The following EAPP variants were observed in gnomAD, a reference collection of about 807,000 sequenced individuals.
The protein encoded by EAPP is E2F-associated phosphoprotein.
In EAPP, 38 loss-of-function variants were observed where a neutral mutation model predicts 34.3. That is an observed-to-expected ratio of 1.11 (90% CI 0.85 to 1.45). The LOEUF (loss-of-function observed/expected upper bound fraction) is 1.45. Among genes scored for constraint, EAPP ranks in the 40% most tolerant of loss-of-function variants. EAPP has a pLI of 0.00. For synonymous variants in EAPP, 113 were observed against 117.6 expected, an observed-to-expected ratio of 0.96 and a Z score of 0.25; for missense variants, 338 against 343.7, an observed-to-expected ratio of 0.98 and a Z score of 0.13.
chr14:34,526,893 G>A (rs753435780), intron 4 of EAPP, among the ~76,000 whole-genome samples: 13 of 149,700 alleles, frequency 8.7e-5, no homozygotes, highest in Admixed American at 2.7e-4. Context: ...AAAAATGACC[G>A]GGTGCGGTGG....
intron 5 of EAPP, among the ~76,000 whole-genome samples, chr14:34,523,662 G>A (rs950045889): frequency 2.0e-5 from 3 of 151,254 alleles, no homozygotes; most frequent in African/African-American, 7.3e-5. Context: ...TCAGCCTATC[G>A]AGTAGCTGGG....
chr14:34,538,319 C>G lies in EAPP; in HGVS notation c.74+1236G>C, dbSNP rs915712242. ...GCTGGAACCCAGGAGGTGGAGGCTA[C>G]AGTGAGCCAAGATTGCACCAGTGCA... On this transcript the variant is annotated intron_variant, in intron 1 of 5. Coordinates refer to ENST00000250454, the MANE Select transcript of EAPP (RefSeq NM_018453.4). Among the ~76,000 whole-genome samples the G allele has an allele frequency of 2.6e-5, 4 of 152,142 alleles. No individual in the cohort carries two copies. In the South Asian group the frequency reaches 8.3e-4, roughly 31 times the overall value.
chr14:34,524,680 T>TGTGTGTGTGTGTGC lies in EAPP; in HGVS notation c.581+16_581+17insGCACACACACACAC. On this transcript the variant is annotated intron_variant, in intron 5 of 5. Coordinates refer to ENST00000250454, the MANE Select transcript of EAPP (RefSeq NM_018453.4). ...GTATGTGTGTGTGTGTGTGTGTGTG[T>TGTGTGTGTGTGTGC]GTCCTTCATCCATTACCTTTGGCAA... The TGTGTGTGTGTGTGC allele has an allele frequency of 7.0e-7, 1 of 1,431,568 alleles. No individual in the cohort carries two copies. The highest frequency in any genetic ancestry group is 9.9e-7 in the Non-Finnish European group (1 of 1,013,154). The allele number at this position is 1,431,568 out of a possible 1,614,324, so 88.7% of individuals were successfully genotyped here.
intron 4 of EAPP, among the ~76,000 whole-genome samples, chr14:34,526,613 T>C (rs1880104615): frequency 1.3e-5 from 2 of 150,826 alleles, no homozygotes; most frequent in East Asian, 2.0e-4. Flanking sequence ...AAACCGGGCA[T>C]GGTGGCTCAC....
intron 5 of EAPP, among the ~76,000 whole-genome samples, chr14:34,518,908 G>A (rs1879824412): frequency 6.6e-6 from 1 of 152,120 alleles, no homozygotes; most frequent in African/African-American, 2.4e-5. Flanking sequence ...AGTCTTGTTT[G>A]TTGATCCATT....
rs535109833 is a variant in EAPP, at chr14:34,519,891, T to C, written c.582-3305A>G. 5.3e-5 allele frequency among the ~76,000 whole-genome samples: 8 copies of C among 150,510 alleles called. No individual in the cohort carries two copies. In the South Asian group the frequency reaches 1.2e-3, roughly 23 times the overall value. Reference sequence around the variant, plus strand: ...TAACAAGGTTCTTTCTTTTCTTTTTTTTTTTTTTTTGAAACAGAGTTTCGC... The same window carrying C: ...TAACAAGGTTCTTTCTTTTCTTTTTCTTTTTTTTTTGAAACAGAGTTTCGC... On this transcript the variant is annotated intron_variant, in intron 5 of 5. Coordinates refer to ENST00000250454, the MANE Select transcript of EAPP (RefSeq NM_018453.4).
At chr14:34,538,668 C>CA in intron 1 of EAPP, among the ~76,000 whole-genome samples, 1 of 152,068 alleles carries the variant, frequency 6.6e-6, no homozygotes, top group African/African-American at 2.4e-5. Flanking sequence ...TCTCTCGCCT[C>CA]AGACTCCCAA....
At chr14:34,519,885 C>CTTTTTTTT in intron 5 of EAPP, among the ~76,000 whole-genome samples, 1 of 133,702 alleles carries the variant, frequency 7.5e-6, no homozygotes, top group Non-Finnish European at 1.6e-5. Context: ...TCTTTCTTTT[C>CTTTTTTTT]TTTTTTTTTT....
chr14:34,521,635 C>CTTT (rs34835280), intron 5 of EAPP, among the ~76,000 whole-genome samples: 4 of 129,672 alleles, frequency 3.1e-5, no homozygotes, highest in East Asian at 2.3e-4. Flanking sequence ...TCCCAGATTT[C>CTTT]TTTTTTTTTT....
At chr14:34,529,705 C>A (rs1880217547) in intron 3 of EAPP, among the ~76,000 whole-genome samples, 1 of 152,084 alleles carries the variant, frequency 6.6e-6, no homozygotes, top group African/African-American at 2.4e-5. Context: ...CATGGCGAAA[C>A]CCCGTCTCTA....
chr14:34,518,861 C>A (rs12589576), intron 5 of EAPP, among the ~76,000 whole-genome samples: 58,647 of 152,026 alleles, frequency 0.39, 12,652 homozygotes, highest in East Asian at 0.68. Flanking sequence ...TGTGTCCTTA[C>A]AAGTGAAGCA....
intron 5 of EAPP, among the ~76,000 whole-genome samples, chr14:34,523,295 C>T (rs1183033855): frequency 2.7e-5 from 4 of 146,382 alleles, no homozygotes; most frequent in Non-Finnish European, 4.5e-5. Flanking sequence ...TGGAGTGCAG[C>T]GGCGTGACCT....
intron 1 of EAPP, among the ~76,000 whole-genome samples, chr14:34,537,069 G>C (rs1880503837): frequency 1.3e-5 from 2 of 152,072 alleles, no homozygotes; most frequent in South Asian, 4.1e-4. Context: ...GGAGTGCAAT[G>C]GTGCCATCTT....
intron 1 of EAPP, among the ~76,000 whole-genome samples, chr14:34,537,877 CA>C (rs1275236215): frequency 6.6e-6 from 1 of 152,162 alleles, no homozygotes; most frequent in Non-Finnish European, 1.5e-5. Flanking sequence ...TAACAGGCTA[CA>C]ATGTATTAGT....
At position 34,519,631 on chromosome 14, in the gene EAPP, C is replaced by T. The variant is rs577728115; in HGVS notation, c.582-3045G>A. Among the ~76,000 whole-genome samples, 266 of 152,086 alleles carry T rather than the reference C, an allele frequency of 1.7e-3. 2 individuals are homozygous for T. The highest frequency in any genetic ancestry group is 4.7e-3 in the Admixed American group (71 of 15,242). ...TTAAACTTCTTTCTTTATAAATTAT[C>T]CAGTCTCGGGTATTTCCTTATAGCA... On this transcript the variant is annotated intron_variant, in intron 5 of 5. Coordinates refer to ENST00000250454, the MANE Select transcript of EAPP (RefSeq NM_018453.4).
chr14:34,538,598 T>C (rs1408227991), intron 1 of EAPP, among the ~76,000 whole-genome samples: 2 of 151,492 alleles, frequency 1.3e-5, no homozygotes, highest in African/African-American at 2.4e-5. Context: ...TTTTTTTTTT[T>C]AAGAAATGAG....
chr14:34,529,758 G>A (rs1880219282), intron 3 of EAPP, among the ~76,000 whole-genome samples: 1 of 152,078 alleles, frequency 6.6e-6, no homozygotes. Flanking sequence ...GCTCACGCCT[G>A]TAATCCCAGC....
intron 5 of EAPP, among the ~76,000 whole-genome samples, chr14:34,521,937 T>A (rs975224916): frequency 6.6e-6 from 1 of 151,852 alleles, no homozygotes; most frequent in Non-Finnish European, 1.5e-5. Context: ...CCCGGCTGAG[T>A]TCCCAGATTT....
rs536520310 is a variant in EAPP, at chr14:34,535,192, C to T, written c.256+902G>A. Reference sequence around the variant, plus strand: ...TTGCCCTGGCTGGGGTGCAGTGCCGCGATCTCAGCTCACTGCAACCTCCGC... The same window carrying T: ...TTGCCCTGGCTGGGGTGCAGTGCCGTGATCTCAGCTCACTGCAACCTCCGC... On this transcript the variant is annotated intron_variant, in intron 2 of 5. Transcript: ENST00000250454. Among the ~76,000 whole-genome samples the T allele has an allele frequency of 6.1e-5, 9 of 148,406 alleles. No homozygotes were observed. The South Asian group carries it at 1.1e-3, about 18-fold the overall frequency.
Sources: gnomAD v4.1 joint callset for allele counts (sites outside exome capture counted in the v4.1 genomes callset) on GRCh38, gnomAD v4.1.1 for gene constraint, MANE v1.5 for transcripts, NCBI Gene and HGNC (gene_info 2026-07-23, HGNC 2026-07-21) for gene names.